The following JAKMIP3 variants were observed in gnomAD, a reference collection of about 807,000 sequenced individuals.
The protein encoded by JAKMIP3 is janus kinase and microtubule-interacting protein 3.
Under a neutral mutation model 118.5 loss-of-function variants are expected in JAKMIP3, and 58 were observed. That is an observed-to-expected ratio of 0.49 (90% CI 0.40 to 0.61). JAKMIP3 has a LOEUF of 0.61. Among genes scored for constraint, JAKMIP3 ranks in the 20% least tolerant of loss-of-function variants. The pLI is 0.00. For synonymous variants in JAKMIP3, 486 were observed against 451.2 expected (o/e 1.08, Z -0.98); for missense variants, 950 against 1,109.0 (o/e 0.86, Z 2.04).
At chr10:132,036,768 C>A (rs945065780) in intron 1 of JAKMIP3, among the ~76,000 whole-genome samples, 1 of 151,094 alleles carries the variant, frequency 6.6e-6, no homozygotes, top group Non-Finnish European at 1.5e-5. Flanking sequence ...GGGCCGCGAC[C>A]GGGGGCCGGG....
At chr10:132,067,768 T>TGTGGG (rs1483663991) in intron 1 of JAKMIP3, among the ~76,000 whole-genome samples, 3 of 149,154 alleles carry the variant, frequency 2.0e-5, no homozygotes, top group Admixed American at 1.3e-4. Context: ...CCGTGTGGAC[T>TGTGGG]CTGGGCTTCC....
At chr10:132,057,059 C>T (rs577330962) in intron 1 of JAKMIP3, among the ~76,000 whole-genome samples, 95 of 152,256 alleles carry the variant, frequency 6.2e-4, no homozygotes, top group Non-Finnish European at 7.1e-4. Flanking sequence ...TCATCCCAAG[C>T]GGAGCTCAGA....
At chr10:132,087,598 AC>A in intron 1 of JAKMIP3, among the ~76,000 whole-genome samples, 1 of 151,484 alleles carries the variant, frequency 6.6e-6, no homozygotes, top group African/African-American at 2.4e-5. Flanking sequence ...TAACTCGAAA[AC>A]CTTATCTTCA....
rs529723653 is a variant in JAKMIP3, at chr10:132,112,753, G to A, written c.136-4324G>A. ...CTTGTCCACAGCCACGTGTCTCCTT[G>A]GACAGGGCAGCTCTCCACCTCCCCT... On this transcript the variant is annotated intron_variant, in intron 2 of 23. Transcript: ENST00000684848. The surrounding 1 kb of genome is among the most constrained non-coding windows in gnomAD (Gnocchi z 4.3). 1.3e-5 allele frequency among the ~76,000 whole-genome samples: 2 copies of A among 152,202 alleles called. No individual in the cohort carries two copies. The highest frequency in any genetic ancestry group is 4.8e-5 in the African/African-American group (2 of 41,530).
intron 1 of JAKMIP3, among the ~76,000 whole-genome samples, chr10:132,057,728 C>G (rs1469332570): frequency 2.0e-5 from 3 of 152,200 alleles, no homozygotes; most frequent in African/African-American, 7.2e-5. Flanking sequence ...GTGCTGGGTG[C>G]TCAGGGCTGA....
intron 6 of JAKMIP3, among the ~76,000 whole-genome samples, chr10:132,136,442 A>G (rs2051789150): frequency 6.6e-6 from 1 of 152,098 alleles, no homozygotes; most frequent in Non-Finnish European, 1.5e-5. Flanking sequence ...GAGGCCTGGC[A>G]CACAGCGCCA....
Position 132,183,168 on chromosome 10 carries a change from A to T in JAKMIP3, c.*1915A>T, listed in dbSNP as rs571866974. ...TGGCACACAATAGCCTTGTGTTAAT[A>T]AAAGCTACCGTGGCGCTGTGGGTGA... On this transcript the variant is annotated 3_prime_UTR_variant, in exon 24 of 24. Coordinates refer to ENST00000684848, the MANE Select transcript of JAKMIP3 (RefSeq NM_001323087.2). The T allele has an allele frequency of 6.6e-6, 1 of 152,236 alleles. No homozygotes were observed. Among genetic ancestry groups the T allele is most frequent in the East Asian group, 1.9e-4 (1 of 5,200 alleles). 9.4% of individuals were successfully genotyped at this position (152,236 alleles called of 1,614,324 possible).
rs979073768 is a variant in JAKMIP3, at chr10:132,183,428, G to T, written c.*2175G>T. The T allele has an allele frequency of 2.0e-5, 3 of 152,172 alleles. No individual in the cohort carries two copies. Among genetic ancestry groups the T allele is most frequent in the African/African-American group, 7.2e-5 (3 of 41,426 alleles). 9.4% of individuals were successfully genotyped at this position (152,172 alleles called of 1,614,324 possible). A position where few individuals can be genotyped will look rare whatever the true frequency, so the allele number is the denominator to read the frequency against. On this transcript the variant is annotated 3_prime_UTR_variant, in exon 24 of 24. Transcript: ENST00000684848. ...CCTCATGTTTATTTGGGTCATCATG[G>T]TTTAGCATGTTGTATATATGTCTGG...
chr10:132,139,968 CG>C (rs2053150098), intron 9 of JAKMIP3, among the ~76,000 whole-genome samples: 2 of 152,268 alleles, frequency 1.3e-5, no homozygotes, highest in East Asian at 1.9e-4. Flanking sequence ...ATGCAGACGT[CG>C]GGGTGAACCT....
chr10:132,158,106 C>T (rs1469182688), intron 19 of JAKMIP3, among the ~76,000 whole-genome samples: 1 of 136,420 alleles, frequency 7.3e-6, no homozygotes, highest in Non-Finnish European at 1.5e-5. Context: ...GCCCCGCCCC[C>T]GGCAGCATCT....
At chr10:132,057,507 C>A (rs1249931955) in intron 1 of JAKMIP3, among the ~76,000 whole-genome samples, 1 of 152,184 alleles carries the variant, frequency 6.6e-6, no homozygotes, top group African/African-American at 2.4e-5. Flanking sequence ...ACAGGACACA[C>A]GCTGCCCCGC....
intron 19 of JAKMIP3, among the ~76,000 whole-genome samples, chr10:132,157,724 C>G (rs544585430): frequency 3.6e-4 from 55 of 152,302 alleles, no homozygotes; most frequent in African/African-American, 1.3e-3. Context: ...TGCTATCTGA[C>G]ATTTTGGTCA....
chr10:132,137,484 G>A (rs1212609017), intron 8 of JAKMIP3, among the ~76,000 whole-genome samples, 195 bp downstream of exon 8: 1 of 152,238 alleles, frequency 6.6e-6, no homozygotes, highest in Non-Finnish European at 1.5e-5. Flanking sequence ...GTGGGTCAGA[G>A]AGGAGCCAGG....
At position 132,129,718 on chromosome 10, in the gene JAKMIP3, G is replaced by A. The variant is rs186284763; in HGVS notation, c.634-3594G>A. Among the ~76,000 whole-genome samples the A allele has an allele frequency of 3.0e-3, 453 of 152,184 alleles. 3 individuals carry two copies. Among genetic ancestry groups the A allele is most frequent in the African/African-American group, 9.8e-3 (408 of 41,518 alleles). ...GCAGGGGCTGTGACGCTGTGTGTCCGGGGCCCTGTGCTGACAGGCACTGCT... is the reference window on the plus strand; with the variant it reads ...GCAGGGGCTGTGACGCTGTGTGTCCAGGGCCCTGTGCTGACAGGCACTGCT... On this transcript the variant is annotated intron_variant, in intron 3 of 23. Transcript: ENST00000684848.
chr10:132,148,537 C>CGTCCTCCAT (rs1366775821), intron 14 of JAKMIP3, among the ~76,000 whole-genome samples: 4 of 147,058 alleles, frequency 2.7e-5, no homozygotes, highest in South Asian at 2.2e-4. Context: ...TCCATCCGCC[C>CGTCCTCCAT]CCGTGGCCCT....
rs1215420348 is a variant in JAKMIP3 at position 132,180,620 on chromosome 10, TGTGTGCGTGTGTGCGTGC to T, written c.*1104-1731_*1104-1714del. On this transcript the variant is annotated intron_variant, in intron 23 of 23. Transcript: ENST00000684848. Reference sequence around the variant, plus strand: ...GTGCGTGCGCGTGTGTGTGTGCGTGTGTGTGCGTGTGTGCGTGCGTGTGTGCGTGTGCGTGTGCGTGTG... The same window carrying T: ...GTGCGTGCGCGTGTGTGTGTGCGTGTGTGTGTGCGTGTGCGTGTGCGTGTG... Among the ~76,000 whole-genome samples, 4 of 41,214 alleles carry T rather than the reference TGTGTGCGTGTGTGCGTGC, an allele frequency of 9.7e-5. 2 individuals carry two copies. Among genetic ancestry groups the T allele is most frequent in the South Asian group, 2.6e-3 (2 of 756 alleles). The allele number at this position is 41,214 out of a possible 152,430, so 27.0% of individuals were successfully genotyped here.
intron 1 of JAKMIP3, among the ~76,000 whole-genome samples, chr10:132,039,716 C>T (rs2037656148): frequency 1.3e-5 from 2 of 152,250 alleles, no homozygotes; most frequent in Non-Finnish European, 1.5e-5. Flanking sequence ...TTCCCTACAG[C>T]GGCATCCAGC....
chr10:132,043,475 T>G (rs575429888), intron 1 of JAKMIP3, among the ~76,000 whole-genome samples: 1 of 152,224 alleles, frequency 6.6e-6, no homozygotes, highest in Non-Finnish European at 1.5e-5. Context: ...TAGGTTGAAG[T>G]CTGGTGCAGC....
intron 1 of JAKMIP3, among the ~76,000 whole-genome samples, chr10:132,038,256 G>A (rs1344623110): frequency 6.6e-6 from 1 of 152,100 alleles, no homozygotes; most frequent in Non-Finnish European, 1.5e-5. Context: ...GTTCCGTTCA[G>A]GTGGGTTCAG....
Sources: gnomAD v4.1 joint callset for allele counts (sites outside exome capture counted in the v4.1 genomes callset) on GRCh38, gnomAD v4.1.1 for gene constraint, Gnocchi (gnomAD v3.1) non-coding constraint, MANE v1.5 for transcripts, NCBI Gene and HGNC (gene_info 2026-07-23, HGNC 2026-07-21) for gene names.